PITPNC1: variants seen among roughly 807,000 people sequenced by gnomAD.
PITPNC1 encodes the protein cytoplasmic phosphatidylinositol transfer protein 1.
PITPNC1 carries 18 observed loss-of-function variants against 44.7 expected under a neutral mutation model. The ratio of observed to expected loss-of-function variants is 0.40; its 90% CI spans 0.28 to 0.60. The LOEUF (loss-of-function observed/expected upper bound fraction) is 0.60, where lower values mean the gene tolerates loss of function less well. Ranked by LOEUF, PITPNC1 falls within the 20% of genes least tolerant of loss-of-function variation. The pLI is 0.39. For missense variants in PITPNC1, 290 were observed against 418.4 expected, an observed-to-expected ratio of 0.69 and a Z score of 2.68; for synonymous variants, 141 against 149.6, an observed-to-expected ratio of 0.94 and a Z score of 0.42.
chr17:67,671,060 G>T (rs1005455644), intron 7 of PITPNC1, among the ~76,000 whole-genome samples: 1 of 152,076 alleles, frequency 6.6e-6, no homozygotes, highest in African/African-American at 2.4e-5. Flanking sequence ...GCTAATTTTT[G>T]TATTTTTAGT....
In PITPNC1 at chr17:67,627,975, G is replaced by A. The variant is rs2041916293; in HGVS notation, c.367-4168G>A. ...GGCGTCTCACTGTGTCGCCCAGGCT[G>A]GAGTGCAGTGGCACAATCTCGGCTC... On this transcript the variant is annotated intron_variant, in intron 5 of 8. Coordinates refer to ENST00000581322, the MANE Select transcript of PITPNC1 (RefSeq NM_012417.4). Among the ~76,000 whole-genome samples the A allele has an allele frequency of 1.4e-5, 2 of 142,014 alleles. 1 individual carries two copies. The highest frequency in any genetic ancestry group is 4.4e-4 in the South Asian group (2 of 4,534). The allele number at this position is 142,014 out of a possible 152,430, so 93.2% of individuals were successfully genotyped here. A position where few individuals can be genotyped will look rare whatever the true frequency, so the allele number is the denominator to read the frequency against.
chr17:67,552,599 G>A (rs2040782119), intron 3 of PITPNC1, among the ~76,000 whole-genome samples: 1 of 151,830 alleles, frequency 6.6e-6, no homozygotes, highest in Non-Finnish European at 1.5e-5. Flanking sequence ...GTTTACGGAG[G>A]GCCAGGCGCA....
At chr17:67,478,855 A>C (rs1051416655) in intron 1 of PITPNC1, among the ~76,000 whole-genome samples, 1 of 150,626 alleles carries the variant, frequency 6.6e-6, no homozygotes, top group African/African-American at 2.4e-5. Flanking sequence ...TTTTGAAAGA[A>C]CCCCAAACTG....
chr17:67,578,807 C>A (rs1470052900), intron 5 of PITPNC1, among the ~76,000 whole-genome samples: 1 of 152,118 alleles, frequency 6.6e-6, no homozygotes, highest in Admixed American at 6.5e-5. Context: ...CATGGCGAAA[C>A]CCTGTCTCGA....
chr17:67,632,432 G>A (rs549079404), intron 6 of PITPNC1, 194 bp downstream of exon 6: 1 of 584,202 alleles, frequency 1.7e-6, no homozygotes, highest in Non-Finnish European at 3.0e-6. Context: ...ATTGGCCCTG[G>A]CTGTTACTCA....
intron 4 of PITPNC1, among the ~76,000 whole-genome samples, chr17:67,572,752 C>CAA (rs565344192): frequency 1.6e-3 from 163 of 99,696 alleles, no homozygotes; most frequent in African/African-American, 4.9e-3. Context: ...GTACCATGGC[C>CAA]AAAAAAAAAA....
chr17:67,440,509 TATTTATTTATTTATTTA>T (rs2038997743), intron 1 of PITPNC1, among the ~76,000 whole-genome samples: 1 of 108,910 alleles, frequency 9.2e-6, no homozygotes, highest in Non-Finnish European at 1.9e-5. Flanking sequence ...TTTATTTATT[TATTTATTTATTTATTTA>T]TTTATTTATT....
At chr17:67,410,397 G>C (rs2038476841) in intron 1 of PITPNC1, among the ~76,000 whole-genome samples, 2 of 152,070 alleles carry the variant, frequency 1.3e-5, no homozygotes, top group Admixed American at 6.6e-5. Context: ...GTTTGTTTTT[G>C]AGACAGGGTC....
At chr17:67,468,403 T>C (rs1443666104) in intron 1 of PITPNC1, among the ~76,000 whole-genome samples, 35 of 108,098 alleles carry the variant, frequency 3.2e-4, no homozygotes, top group African/African-American at 3.2e-3. Flanking sequence ...TTCTTTCCTT[T>C]TTTTTTTTTT....
intron 1 of PITPNC1, among the ~76,000 whole-genome samples, chr17:67,506,137 C>A (rs1252202654): frequency 6.6e-6 from 1 of 152,082 alleles, no homozygotes; most frequent in East Asian, 1.9e-4. Flanking sequence ...CCTAGGGCTA[C>A]TGAAAAGTCA....
At chr17:67,581,811 A>T (rs1349980939) in intron 5 of PITPNC1, among the ~76,000 whole-genome samples, 1 of 152,192 alleles carries the variant, frequency 6.6e-6, no homozygotes, top group Non-Finnish European at 1.5e-5. Context: ...AGGTGGGTGG[A>T]TACCTGAGGT....
intron 6 of PITPNC1, among the ~76,000 whole-genome samples, chr17:67,668,557 A>G (rs2042458973): frequency 6.6e-6 from 1 of 151,980 alleles, no homozygotes; most frequent in South Asian, 2.1e-4. Context: ...ACCCATCTCT[A>G]CAAAAGAAGA....
Position 67,666,687 on chromosome 17 carries a change from C to T in PITPNC1, c.463-2821C>T, listed in dbSNP as rs539095406. 7.2e-5 allele frequency among the ~76,000 whole-genome samples: 11 copies of T among 152,240 alleles called. No individual in the cohort carries two copies. In the South Asian group the frequency reaches 1.2e-3, roughly 17 times the overall value. On this transcript the variant is annotated intron_variant, in intron 6 of 8. Transcript: ENST00000581322. ...AGAGGCAGGAGGGCAAGCATTCACC[C>T]GCTACTTTGATGAAGGCCTGGCGTC...
At chr17:67,648,542 C>G (rs1273693672) in intron 6 of PITPNC1, among the ~76,000 whole-genome samples, 2 of 152,130 alleles carry the variant, frequency 1.3e-5, no homozygotes, top group African/African-American at 4.8e-5. Flanking sequence ...CTCATATTGC[C>G]AAACGGAACA....
Position 67,676,668 on chromosome 17 carries a change from T to C in PITPNC1, c.682+1126T>C, listed in dbSNP as rs2042607992. On this transcript the variant is annotated intron_variant, in intron 8 of 8. Coordinates refer to ENST00000581322, the MANE Select transcript of PITPNC1 (RefSeq NM_012417.4). The surrounding 1 kb of genome is among the most constrained non-coding windows in gnomAD (Gnocchi z 4.0). ...TTGCATTTTGGTCCTTTTCTGTCAT[T>C]GTTTCACCAACTCCCTCCCTTTTCT... Among the ~76,000 whole-genome samples, 1 of 152,116 alleles carries C rather than the reference T, an allele frequency of 6.6e-6. No individual in the cohort carries two copies. The highest frequency in any genetic ancestry group is 6.6e-5 in the Admixed American group (1 of 15,250).
chr17:67,473,505 A>AT (rs1022179692), intron 1 of PITPNC1, among the ~76,000 whole-genome samples: 8 of 151,118 alleles, frequency 5.3e-5, no homozygotes, highest in African/African-American at 2.4e-5. Flanking sequence ...ATTTTTTTGT[A>AT]TTTTTTTAGT....
At chr17:67,540,446 G>A (rs561674388) in intron 2 of PITPNC1, among the ~76,000 whole-genome samples, 71 of 151,946 alleles carry the variant, frequency 4.7e-4, no homozygotes, top group Non-Finnish European at 9.3e-4. Context: ...ACAAATATGG[G>A]GAAATGTTAG....
At chr17:67,658,897 G>A (rs772574779) in intron 6 of PITPNC1, among the ~76,000 whole-genome samples, 1 of 152,090 alleles carries the variant, frequency 6.6e-6, no homozygotes, top group African/African-American at 2.4e-5. Context: ...TAAGCCTCAA[G>A]ATAGTTGTTT....
chr17:67,433,321 C>CA (rs2038884244), intron 1 of PITPNC1, among the ~76,000 whole-genome samples: 1 of 152,158 alleles, frequency 6.6e-6, no homozygotes, highest in Admixed American at 6.5e-5. Flanking sequence ...GCTGCGGGAG[C>CA]GAGCCTGGGC....
Sources: gnomAD v4.1 joint callset for allele counts (sites outside exome capture counted in the v4.1 genomes callset) on GRCh38, gnomAD v4.1.1 for gene constraint, Gnocchi (gnomAD v3.1) non-coding constraint, MANE v1.5 for transcripts, NCBI Gene and HGNC (gene_info 2026-07-23, HGNC 2026-07-21) for gene names.